PTPRU: variants seen among roughly 807,000 people sequenced by gnomAD.
The protein encoded by PTPRU is protein tyrosine phosphatase receptor type U, also known as receptor-type tyrosine-protein phosphatase U.
In PTPRU, 69 loss-of-function variants were observed where a neutral mutation model predicts 166.3. The observed-to-expected ratio is 0.41, with a 90% CI of 0.34 to 0.51. The LOEUF is 0.51. Among genes scored for constraint, PTPRU ranks in the 20% least tolerant of loss-of-function variants. The pLI is 0.09. For synonymous variants in PTPRU, 793 were observed against 814.0 expected (o/e 0.97, Z 0.44); for missense variants, 1,657 against 2,013.7 (o/e 0.82, Z 3.39).
intron 1 of PTPRU, among the ~76,000 whole-genome samples, chr1:29,253,369 G>C (rs923312124): frequency 6.6e-6 from 1 of 152,068 alleles, no homozygotes; most frequent in East Asian, 1.9e-4. Flanking sequence ...TGGCCTTTCC[G>C]TGGCATTCCT....
chr1:29,266,711 C>T (rs1331320226), intron 7 of PTPRU, among the ~76,000 whole-genome samples: 2 of 152,064 alleles, frequency 1.3e-5, no homozygotes, highest in South Asian at 4.1e-4. Flanking sequence ...CTATTACGTG[C>T]GAGGTGCTAT....
intron 15 of PTPRU, among the ~76,000 whole-genome samples, chr1:29,299,763 C>T (rs892968812): frequency 2.0e-5 from 3 of 152,204 alleles, no homozygotes; most frequent in Non-Finnish European, 4.4e-5. Context: ...ACAAAGAGCA[C>T]GAGGGCTTCT....
In PTPRU at chr1:29,312,568, G is replaced by A. The variant is rs547406320; in HGVS notation, c.3089G>A (p.Arg1030Gln). The A allele has an allele frequency of 2.2e-5, 35 of 1,592,134 alleles. No homozygotes were observed. Among genetic ancestry groups the A allele is most frequent in the African/African-American group, 5.4e-5 (4 of 74,694 alleles). Residue 1030 changes from arginine (R) to glutamine (Q), a missense_variant, in exon 22 of 30, where the codon CGG (arginine) becomes CAG (glutamine). This residue lies in a region of PTPRU where 1,190 missense variants were observed against 1,477.4 expected (regional missense o/e 0.81). Coordinates refer to ENST00000373779, the MANE Select transcript of PTPRU (RefSeq NM_133178.4). The part of the protein sequence containing the change: ...FALERRGYSA[R>Q]HEVRQFHFTA... ...TCTCCCCAGAGAGGCTACTCTGCCC[G>A]GCACGAGGTCCGCCAGTTCCACTTC...
Position 29,303,871 on chromosome 1 carries a change from TG to T in PTPRU, c.2497del (p.Val833SerfsTer44). On this transcript the variant is annotated frameshift_variant, in exon 16 of 30. Transcript: ENST00000373779. LOFTEE classifies it high-confidence loss of function. ...TGACTGCAGGAGACCAGCGCAGCGG[TG>T]GGGTCACTGAGGCCAGCAGCCTCCT... is the stretch of plus-strand genomic sequence containing the variant. ...YSTRGDQRSG[G>X]VTEASSLLGG... 6.2e-7 allele frequency: 1 copy of T among 1,611,062 alleles called. No homozygotes were observed. The highest frequency in any genetic ancestry group is 1.3e-5 in the African/African-American group (1 of 74,968).
At position 29,284,082 on chromosome 1, in the gene PTPRU, G is replaced by A; in HGVS notation, c.2179+106G>A. ...TACGGCTGTGGGAGTAGAGGAGGGT[G>A]GTTGGGCAGTCCTGGGGCCAGGAGG... On this transcript the variant is annotated intron_variant, in intron 13 of 29. Coordinates refer to ENST00000373779, the MANE Select transcript of PTPRU (RefSeq NM_133178.4). 2.1e-6 allele frequency: 3 copies of A among 1,423,538 alleles called. No individual in the cohort carries two copies. The South Asian group carries it at 3.5e-5, about 17-fold the overall frequency. 88.2% of individuals were successfully genotyped at this position (1,423,538 alleles called of 1,614,324 possible).
chr1:29,261,099 G>GAC (rs1345772683), intron 7 of PTPRU, among the ~76,000 whole-genome samples, 196 bp downstream of exon 7: 2 of 152,250 alleles, frequency 1.3e-5, no homozygotes, highest in African/African-American at 4.8e-5. Context: ...TCTGTGTGTA[G>GAC]ACACACACAC....
At chr1:29,307,230 C>T in intron 18 of PTPRU, 1 of 1,499,104 alleles carries the variant, frequency 6.7e-7, no homozygotes, top group Non-Finnish European at 9.3e-7. Flanking sequence ...CTCACGGTCT[C>T]TGGCTGTCTG....
intron 1 of PTPRU, among the ~76,000 whole-genome samples, chr1:29,248,139 A>G (rs533224350): frequency 1.3e-5 from 2 of 152,136 alleles, no homozygotes; most frequent in South Asian, 4.2e-4. Context: ...GTGGTTGGTG[A>G]GGGTCAGACT....
Position 29,260,707 on chromosome 1 carries a change from G to C in PTPRU, c.948G>C (p.Pro316=), listed in dbSNP as rs775160621. 29 of 1,593,456 alleles carry C rather than the reference G, an allele frequency of 1.8e-5. No individual in the cohort carries two copies. Among genetic ancestry groups the C allele is most frequent in the Non-Finnish European group, 2.4e-5 (28 of 1,168,580 alleles). ...LNTNSIIGDG[P]IVRKEIEYRM... ...CCAACTCCATCATTGGCGACGGGCC[G>C]ATCGTGCGCAAGGAGATTGAGTACC... The change falls in exon 7 of 30, where the codon CCG becomes CCC. Residue 316 remains proline, a synonymous_variant. Transcript: ENST00000373779. This position sits in a 1 kb window ranked among gnomAD's most constrained non-coding sequence, Gnocchi z 8.3.
intron 15 of PTPRU, among the ~76,000 whole-genome samples, chr1:29,299,710 C>G (rs976041085): frequency 6.6e-6 from 1 of 152,330 alleles, no homozygotes; most frequent in East Asian, 1.9e-4. Context: ...TTGCTCCTTT[C>G]TCTGCCAGGA....
At chr1:29,248,628 A>T (rs1302641614) in intron 1 of PTPRU, among the ~76,000 whole-genome samples, 1 of 152,120 alleles carries the variant, frequency 6.6e-6, no homozygotes, top group Non-Finnish European at 1.5e-5. Context: ...GTCTTCAGAA[A>T]ATACTGGTTG....
Position 29,326,288 on chromosome 1 carries a change from C to T in PTPRU, c.*627C>T, listed in dbSNP as rs899159258. 1 of 168,890 alleles carries T rather than the reference C, an allele frequency of 5.9e-6. No homozygotes were observed. The highest frequency in any genetic ancestry group is 1.3e-5 in the Non-Finnish European group (1 of 79,380). 10.5% of individuals were successfully genotyped at this position (168,890 alleles called of 1,614,324 possible). A position where few individuals can be genotyped will look rare whatever the true frequency, so the allele number is the denominator to read the frequency against. ...CTCACTATCCCTCCCCACTTGCTTC[C>T]CTGATATGTGCTCTGAGCTTCCCTG... is the stretch of plus-strand genomic sequence containing the variant. On this transcript the variant is annotated 3_prime_UTR_variant, in exon 30 of 30. Transcript: ENST00000373779.
intron 22 of PTPRU, among the ~76,000 whole-genome samples, chr1:29,313,252 T>C (rs1020943546): frequency 1.3e-5 from 2 of 152,132 alleles, no homozygotes; most frequent in Non-Finnish European, 2.9e-5. Flanking sequence ...TGGCCTGCCC[T>C]CTGTCTCCCC....
chr1:29,317,723 C>T lies in PTPRU; in HGVS notation c.3514-25C>T. On this transcript the variant is annotated intron_variant, in intron 24 of 29. Transcript: ENST00000373779. This position sits in a 1 kb window ranked among gnomAD's most constrained non-coding sequence, Gnocchi z 5.6. ...CCCAGCAAGCCCTGGACGTAACTCT[C>T]TGTCCCCACCCCCGCTCCCTGTAGA... 1 of 1,585,564 alleles carries T rather than the reference C, an allele frequency of 6.3e-7. No homozygotes were observed. The highest frequency in any genetic ancestry group is 1.3e-5 in the African/African-American group (1 of 74,660).
chr1:29,281,323 C>G (rs1686074559), intron 11 of PTPRU, among the ~76,000 whole-genome samples: 1 of 152,170 alleles, frequency 6.6e-6, no homozygotes, highest in Non-Finnish European at 1.5e-5. Flanking sequence ...GTCTGCAGGG[C>G]CTTTTGCCTG....
chr1:29,248,537 A>G (rs1684396394), intron 1 of PTPRU, among the ~76,000 whole-genome samples: 1 of 152,112 alleles, frequency 6.6e-6, no homozygotes, highest in Non-Finnish European at 1.5e-5. Flanking sequence ...TTCTCCTGGG[A>G]CCACTCTTGG....
chr1:29,270,246 A>G (rs1444197909), intron 7 of PTPRU, among the ~76,000 whole-genome samples: 1 of 152,074 alleles, frequency 6.6e-6, no homozygotes, highest in Non-Finnish European at 1.5e-5. Flanking sequence ...AATTTGACTC[A>G]TATTATCTCA....
intron 14 of PTPRU, among the ~76,000 whole-genome samples, chr1:29,290,932 C>T (rs545513306): frequency 6.6e-6 from 1 of 152,306 alleles, no homozygotes; most frequent in African/African-American, 2.4e-5. Context: ...GGGAACAGAG[C>T]CTGTGGCACA....
chr1:29,274,849 A>T (rs762589209), intron 7 of PTPRU, among the ~76,000 whole-genome samples: 105 of 151,934 alleles, frequency 6.9e-4, no homozygotes, highest in Non-Finnish European at 1.5e-4. Context: ...TCAGGAGTTC[A>T]AGACCAGCCT....
Sources: gnomAD v4.1 joint callset for allele counts (sites outside exome capture counted in the v4.1 genomes callset) on GRCh38, gnomAD v4.1.1 for gene constraint, gnomAD v4.1.1 regional missense constraint, Gnocchi (gnomAD v3.1) non-coding constraint, MANE v1.5 for transcripts, NCBI Gene and HGNC (gene_info 2026-07-23, HGNC 2026-07-21) for gene names.